FAAH2: variants seen among roughly 807,000 people sequenced by gnomAD.
FAAH2 encodes the protein fatty-acid amide hydrolase 2.
Under a neutral mutation model 36.9 loss-of-function variants are expected in FAAH2, and 60 were observed. The ratio of observed to expected loss-of-function variants is 1.63; its 90% confidence interval spans 1.32 to 2.02. The LOEUF (loss-of-function observed/expected upper bound fraction) is 2.02, where lower values mean the gene tolerates loss of function less well. FAAH2 is among the 30% of genes most tolerant of loss of function. The probability of loss-of-function intolerance (pLI) is 0.00; values close to 1 mark genes in which losing one functional copy is unlikely to be tolerated. For missense variants in FAAH2, 689 were observed against 397.5 expected (o/e 1.73, Z -6.23); for synonymous variants, 214 against 143.8 (o/e 1.49, Z -3.49).
chrX:57,353,949 C>T (rs765045981), intron 5 of FAAH2, among the ~76,000 whole-genome samples: 33 of 110,759 alleles, frequency 3.0e-4, no homozygotes, highest in African/African-American at 1.0e-3. Context: ...CAGAAAGTAA[C>T]AGATGTTGGC....
the FAAH2 span, among the ~76,000 whole-genome samples, chrX:57,234,743 C>T: frequency 9.0e-6 from 1 of 111,584 alleles, no homozygotes; most frequent in Non-Finnish European, 1.9e-5. Context: ...GGATGGGGAG[C>T]AGCTGTAAAT....
At chrX:57,309,682 A>G (rs996309870) in intron 2 of FAAH2, among the ~76,000 whole-genome samples, 10 of 110,627 alleles carry the variant, frequency 9.0e-5, no homozygotes, top group African/African-American at 3.0e-4. Context: ...TTCAGCTCCC[A>G]CTTATGAGTG....
the FAAH2 span, among the ~76,000 whole-genome samples, chrX:57,158,033 C>G: frequency 4.3e-4 from 48 of 110,517 alleles, no homozygotes; most frequent in African/African-American, 1.5e-3. Context: ...GGTGTGTGAT[C>G]TTCCCCTTCC....
At chrX:57,281,113 G>C in the FAAH2 span, among the ~76,000 whole-genome samples, 4 of 111,613 alleles carry the variant, frequency 3.6e-5, no homozygotes, top group African/African-American at 9.8e-5. Context: ...TGAGAGATCT[G>C]TGTTGTGAAG....
chrX:57,129,648 T>A, the FAAH2 span, among the ~76,000 whole-genome samples: 1 of 112,688 alleles, frequency 8.9e-6, no homozygotes, highest in Admixed American at 9.4e-5. Context: ...TTCCTTCATA[T>A]GACAAAATCA....
intron 5 of FAAH2, among the ~76,000 whole-genome samples, chrX:57,350,160 C>A (rs1420772929): frequency 9.0e-6 from 1 of 111,219 alleles, no homozygotes; most frequent in African/African-American, 3.3e-5. Flanking sequence ...TTCAGCAATA[C>A]TTGCCTTCAT....
the FAAH2 span, among the ~76,000 whole-genome samples, chrX:57,230,903 A>C: frequency 9.0e-6 from 1 of 110,718 alleles, no homozygotes; most frequent in Non-Finnish European, 1.9e-5. Flanking sequence ...TTTCTCTCCT[A>C]GTTCTTGCTC....
At chrX:57,482,709 ATTTT>A (rs368783162) in intron 10 of FAAH2, among the ~76,000 whole-genome samples, 1 of 63,894 alleles carries the variant, frequency 1.6e-5, no homozygotes, top group African/African-American at 5.6e-5. Context: ...CATTCCCTCA[ATTTT>A]TTTTTTTTTT....
chrX:57,441,562 T>C (rs1343936335), intron 8 of FAAH2, among the ~76,000 whole-genome samples: 1 of 110,557 alleles, frequency 9.0e-6, no homozygotes, highest in African/African-American at 3.3e-5. Flanking sequence ...AGCTCCTGGA[T>C]TCACTGATTT....
At chrX:57,286,524 G>A (rs1247265670), upstream of FAAH2, among the ~76,000 whole-genome samples, 3 of 111,407 alleles carry the variant, frequency 2.7e-5, no homozygotes, top group African/African-American at 9.8e-5. Flanking sequence ...GGGCTACACA[G>A]TAGCAGAACT....
rs563707999 is a variant in FAAH2 at position 57,467,400 on chromosome X, C to A, written c.1423+18682C>A. Among the ~76,000 whole-genome samples the A allele has an allele frequency of 1.3e-4, 14 of 111,617 alleles. No individual in the cohort carries two copies. The East Asian group carries it at 3.4e-3, about 27-fold the overall frequency. ...ACCTTGAAAATCGGGTCACTCCCAC[C>A]ATAATACTGCACTTTTCCAATGGTC... On this transcript the variant is annotated intron_variant, in intron 10 of 10. Coordinates refer to ENST00000374900, the MANE Select transcript of FAAH2 (RefSeq NM_174912.4).
At chrX:57,470,737 A>G (rs1248609380) in intron 10 of FAAH2, among the ~76,000 whole-genome samples, 1 of 111,503 alleles carries the variant, frequency 9.0e-6, no homozygotes, top group Admixed American at 9.6e-5. Flanking sequence ...ATCCTCCCTA[A>G]CTCATTTTAT....
At chrX:57,137,456 G>T in the FAAH2 span, 2 of 557,391 alleles carry the variant, frequency 3.6e-6, no homozygotes, top group East Asian at 1.8e-4. Flanking sequence ...TGTTGGTGGC[G>T]GCCACCCCTC....
rs973107665 is a variant in FAAH2, at chrX:57,450,369, A to G, written c.1423+1651A>G. 2.7e-5 allele frequency among the ~76,000 whole-genome samples: 3 copies of G among 110,800 alleles called. No homozygotes were observed. The Admixed American group carries it at 2.9e-4, about 11-fold the overall frequency. On this transcript the variant is annotated intron_variant, in intron 10 of 10. Transcript: ENST00000374900. ...ACAGCAACTGAAGTTATCTTTGTGT[A>G]AAACCTGAGGAAACTGAATGATGTA...
rs185965577 is a variant in FAAH2, at chrX:57,465,494, T to C, written c.1423+16776T>C. 8.5e-3 allele frequency among the ~76,000 whole-genome samples: 954 copies of C among 111,788 alleles called. 10 individuals are homozygous for C. Among genetic ancestry groups the C allele is most frequent in the African/African-American group, 0.029 (910 of 30,865 alleles). On this transcript the variant is annotated intron_variant, in intron 10 of 10. Transcript: ENST00000374900. ...AGGAAACCACAATAACAGTGATGGA[T>C]GAGTTATCAGAAACAAGGAAGCCAG...
intron 5 of FAAH2, among the ~76,000 whole-genome samples, chrX:57,374,682 G>A (rs1263834019): frequency 9.0e-6 from 1 of 111,395 alleles, no homozygotes; most frequent in African/African-American, 3.3e-5. Flanking sequence ...CCTCTTTACC[G>A]ATTTGGATGC....
intron 5 of FAAH2, among the ~76,000 whole-genome samples, chrX:57,343,285 T>A (rs12006910): frequency 2.7e-5 from 3 of 111,833 alleles, no homozygotes; most frequent in East Asian, 2.8e-4. Flanking sequence ...GTGTCAGTTA[T>A]TTTTGGATTT....
chrX:57,471,600 C>T (rs766789897), intron 10 of FAAH2, among the ~76,000 whole-genome samples: 1 of 111,508 alleles, frequency 9.0e-6, no homozygotes, highest in East Asian at 2.8e-4. Context: ...AGAGGATGCA[C>T]ATAAATGGAA....
At chrX:57,362,514 CAT>C (rs1240870991) in intron 5 of FAAH2, among the ~76,000 whole-genome samples, 1 of 111,724 alleles carries the variant, frequency 9.0e-6, no homozygotes. Context: ...TTGTCAGATA[CAT>C]AGTTTGCAAA....
Sources: allele counts gnomAD v4.1 joint callset (sites outside exome capture counted in the v4.1 genomes callset), GRCh38; gene constraint gnomAD v4.1.1; transcripts MANE v1.5; gene names NCBI Gene and HGNC (gene_info 2026-07-23, HGNC 2026-07-21).